PLCH2: variants seen among roughly 807,000 people sequenced by gnomAD.
PLCH2 encodes the protein 1-phosphatidylinositol 4,5-bisphosphate phosphodiesterase eta-2.
PLCH2 carries 98 observed loss-of-function variants against 134.7 expected under a neutral mutation model. That is an observed-to-expected ratio of 0.73 (90% confidence interval 0.62 to 0.86). The LOEUF (loss-of-function observed/expected upper bound fraction) is 0.86. PLCH2 is among the 40% of genes least tolerant of loss of function. PLCH2 has a pLI of 0.00. For missense variants in PLCH2, 1,994 were observed against 1,986.6 expected, an observed-to-expected ratio of 1.00 and a Z score of -0.07; for synonymous variants, 974 against 827.5, an observed-to-expected ratio of 1.18 and a Z score of -3.04.
chr1:2,472,276 G>T (rs1249415205), upstream of PLCH2, among the ~76,000 whole-genome samples: 1 of 152,158 alleles, frequency 6.6e-6, no homozygotes, highest in African/African-American at 2.4e-5. Flanking sequence ...TCCCTCCCGT[G>T]CGGCGCCAGT....
intron 1 of PLCH2, among the ~76,000 whole-genome samples, chr1:2,468,586 A>G (rs760777539): frequency 2.6e-5 from 4 of 152,144 alleles, no homozygotes; most frequent in African/African-American, 7.2e-5. Context: ...GGAAAACGTG[A>G]AGGGGGACAG....
At chr1:2,460,738 G>A (rs1238036703) in intron 2 of PLCH2, among the ~76,000 whole-genome samples, 2 of 152,196 alleles carry the variant, frequency 1.3e-5, no homozygotes, top group African/African-American at 2.4e-5. Context: ...TGGCCTGCCT[G>A]TGGGGCCAAG....
exon 1 of PLCH2, chr1:2,467,661 A>C (rs1008638848): frequency 4.9e-6 from 2 of 411,126 alleles, no homozygotes; most frequent in Non-Finnish European, 8.6e-6. Flanking sequence ...GCCAAGACCA[A>C]GGTAAGGGGG....
chr1:2,478,951 A>G, intron 2 of PLCH2: 2 of 330,266 alleles, frequency 6.1e-6, no homozygotes, highest in Admixed American at 4.2e-5. Flanking sequence ...AACAGAAACG[A>G]CCCCCACAGA....
intron 15 of PLCH2, 48 bp from the exon 16 acceptor site, chr1:2,497,454 C>A: frequency 1.5e-6 from 2 of 1,363,950 alleles, no homozygotes; most frequent in East Asian, 2.5e-5. Flanking sequence ...GGGGCACACA[C>A]CTGGAAGGTC....
In PLCH2 at chr1:2,484,459, G is replaced by A. The variant is rs374288854; in HGVS notation, c.657G>A (p.Thr219=). The change falls in exon 5 of 22, where the codon ACG becomes ACA. Residue 219 remains threonine, a synonymous_variant. Transcript: ENST00000378486. Reference sequence around the variant, plus strand: ...GCCTTGCATTGCAGGAAGCGGACACGGATGACCACCAAGGGACGCTGGGTT... The same window carrying A: ...GCCTTGCATTGCAGGAAGCGGACACAGATGACCACCAAGGGACGCTGGGTT... ...RVKQMFREAD[T]DDHQGTLGFE... The A allele has an allele frequency of 2.0e-5, 32 of 1,613,066 alleles. No individual in the cohort carries two copies. Among genetic ancestry groups the A allele is most frequent in the Non-Finnish European group, 2.3e-5 (27 of 1,179,728 alleles).
At chr1:2,491,870 C>T (rs148609306) in intron 11 of PLCH2, among the ~76,000 whole-genome samples, 2 of 151,840 alleles carry the variant, frequency 1.3e-5, no homozygotes, top group Non-Finnish European at 2.9e-5. Flanking sequence ...TGGTGGGCGC[C>T]TGTGCTGGGG....
At chr1:2,452,000 G>A (rs902071304) in intron 2 of PLCH2, among the ~76,000 whole-genome samples, 7 of 152,166 alleles carry the variant, frequency 4.6e-5, no homozygotes, top group Admixed American at 6.5e-5. Context: ...CTGCTCTGCC[G>A]TGGGCCTGTC....
chr1:2,466,491 C>T (rs1275067285), upstream of PLCH2, among the ~76,000 whole-genome samples: 1 of 152,214 alleles, frequency 6.6e-6, no homozygotes, highest in African/African-American at 2.4e-5. Context: ...CCCCTCCACA[C>T]CTGGGGCCCC....
chr1:2,467,729 C>T, intron 1 of PLCH2: 1 of 401,384 alleles, frequency 2.5e-6, no homozygotes, highest in Non-Finnish European at 4.4e-6. Context: ...AGGACCGGAC[C>T]TGTTCACTGG....
chr1:2,445,433 T>C (rs1054439342), intron 2 of PLCH2, among the ~76,000 whole-genome samples: 2 of 152,178 alleles, frequency 1.3e-5, no homozygotes, highest in African/African-American at 4.8e-5. Flanking sequence ...TGGGAGTGTC[T>C]GCTGGACAGT....
intron 4 of PLCH2, among the ~76,000 whole-genome samples, chr1:2,483,814 T>TGACCCCCGTGTTGGGG (rs1642116894): frequency 6.2e-4 from 12 of 19,300 alleles, no homozygotes; most frequent in Admixed American, 1.2e-3. Context: ...CGTGTGGGGG[T>TGACCCCCGTGTTGGGG]GGCGCTGACC....
upstream of PLCH2, among the ~76,000 whole-genome samples, chr1:2,473,174 A>T (rs1319153633): frequency 6.6e-6 from 1 of 152,132 alleles, no homozygotes; most frequent in Non-Finnish European, 1.5e-5. Flanking sequence ...CAGCCTTGGG[A>T]AGAAAGGAAG....
intron 2 of PLCH2, among the ~76,000 whole-genome samples, chr1:2,437,374 C>T (rs1639473105): frequency 6.6e-6 from 1 of 152,168 alleles, no homozygotes; most frequent in Non-Finnish European, 1.5e-5. Context: ...CCTCCTCTGG[C>T]CAGCTGGACA....
chr1:2,502,498 C>G (rs557309783), intron 21 of PLCH2, 89 bp downstream of exon 21: 8 of 1,287,800 alleles, frequency 6.2e-6, no homozygotes, highest in Non-Finnish European at 8.8e-6. Flanking sequence ...CTGGGATGGC[C>G]GCCACATGCA....
At position 2,439,039 on chromosome 1, in the gene PLCH2, C is replaced by G. The variant is rs1190938145; in HGVS notation, c.115+8410C>G. On this transcript the variant is annotated intron_variant, in intron 2 of 3. Transcript: ENST00000609981. This position sits in a 1 kb window ranked among gnomAD's most constrained non-coding sequence, Gnocchi z 4.7. ...TTGACTACGCCCTCCCAGCCCTGAC[C>G]CAGCTCCCAGGGTCCCTGTCTTGCT... is the stretch of plus-strand genomic sequence containing the variant. Among the ~76,000 whole-genome samples, 1 of 152,214 alleles carries G rather than the reference C, an allele frequency of 6.6e-6. No individual in the cohort carries two copies.
intron 1 of PLCH2, among the ~76,000 whole-genome samples, chr1:2,426,834 G>T (rs1638821743): frequency 6.6e-6 from 1 of 152,254 alleles, no homozygotes; most frequent in South Asian, 2.1e-4. Context: ...GCGGGCTCCA[G>T]CAACCCCACC....
intron 2 of PLCH2, among the ~76,000 whole-genome samples, chr1:2,436,546 CCCTTCCTCCCTCCA>C (rs1639426021): frequency 3.9e-5 from 1 of 25,622 alleles, no homozygotes; most frequent in Admixed American, 4.6e-4. Flanking sequence ...CCTCCCTCCT[CCCTTCCTCCCTCCA>C]CCTTTCCTCC....
At position 2,505,142 on chromosome 1, in the gene PLCH2, C is replaced by T; in HGVS notation, c.4180C>T (p.Pro1394Ser). 1 of 1,559,972 alleles carries T rather than the reference C, an allele frequency of 6.4e-7. No individual in the cohort carries two copies. Among genetic ancestry groups the T allele is most frequent in the Non-Finnish European group, 8.6e-7 (1 of 1,162,484 alleles). ...SVGHEGSVDA[P>S]APSKGALGPA... is the part of the protein sequence containing the mutation. ...GGGCCACGAGGGCAGTGTGGATGCA[C>T]CAGCACCCTCCAAGGGAGCCCTCGG... Residue 1394 changes from proline to serine, a missense_variant, in exon 22 of 22, where the codon CCA (proline) becomes TCA (serine). Pro to Ser is a moderately conservative substitution (Grantham distance 74). This residue lies in a region of PLCH2 where 900 missense variants were observed against 752.3 expected (regional missense o/e 1.20). Transcript: ENST00000378486.
Sources: allele counts gnomAD v4.1 joint callset (sites outside exome capture counted in the v4.1 genomes callset), GRCh38; gene constraint gnomAD v4.1.1; regional missense constraint gnomAD v4.1.1; non-coding constraint Gnocchi (gnomAD v3.1); transcripts MANE v1.5; gene names NCBI Gene and HGNC (gene_info 2026-07-23, HGNC 2026-07-21).